The following WDPCP variants were observed in gnomAD, a reference collection of about 807,000 sequenced individuals.
WDPCP encodes the protein WD repeat containing planar cell polarity effector.
In WDPCP, 71 loss-of-function variants were observed where a neutral mutation model predicts 93.1. The ratio of observed to expected loss-of-function variants is 0.76; its 90% CI spans 0.63 to 0.93. The LOEUF (loss-of-function observed/expected upper bound fraction) is 0.93. Ranked by LOEUF, WDPCP falls within the 40% of genes least tolerant of loss-of-function variation. WDPCP has a pLI of 0.00. For synonymous variants in WDPCP, 315 were observed against 315.0 expected (o/e 1.00, Z 0.00); for missense variants, 844 against 887.4 (o/e 0.95, Z 0.62).
intron 2 of WDPCP, among the ~76,000 whole-genome samples, chr2:63,714,928 T>G (rs528264652): frequency 2.0e-5 from 3 of 152,216 alleles, no homozygotes. Flanking sequence ...TGTCAATCCA[T>G]AGATGAATGA....
chr2:63,717,557 T>G (rs560026772), intron 2 of WDPCP: 38 of 511,066 alleles, frequency 7.4e-5, no homozygotes, highest in Non-Finnish European at 1.4e-4. Flanking sequence ...CCATGCAGTC[T>G]TCTAAGGAAG....
intron 9 of WDPCP, among the ~76,000 whole-genome samples, chr2:63,419,153 T>C (rs561317321): frequency 3.9e-5 from 6 of 152,214 alleles, no homozygotes; most frequent in Non-Finnish European, 5.9e-5. Context: ...TTTTTGTTTT[T>C]GTTTTTTGAG....
intron 1 of WDPCP, among the ~76,000 whole-genome samples, chr2:63,569,141 CA>C (rs1380168387): frequency 1.3e-5 from 2 of 152,070 alleles, no homozygotes; most frequent in African/African-American, 4.8e-5. Context: ...AGATGACTCT[CA>C]AAAACAATGT....
At chr2:63,758,596 G>A (rs148335003) in intron 2 of WDPCP, among the ~76,000 whole-genome samples, 4 of 152,062 alleles carry the variant, frequency 2.6e-5, no homozygotes, top group South Asian at 2.1e-4. Context: ...ATGCCACCAC[G>A]GCTGGCTAAT....
chr2:63,266,895 G>A (rs1575018228), intron 13 of WDPCP, among the ~76,000 whole-genome samples: 1 of 152,056 alleles, frequency 6.6e-6, no homozygotes, highest in East Asian at 1.9e-4. Context: ...GTGTTAAAAT[G>A]TTCATACTAC....
intron 6 of WDPCP, among the ~76,000 whole-genome samples, chr2:63,463,898 G>A (rs1699186146): frequency 6.6e-6 from 1 of 152,106 alleles, no homozygotes; most frequent in Admixed American, 6.6e-5. Flanking sequence ...AAGTATCACG[G>A]ACCCAATCTA....
At chr2:63,153,028 G>C in intron 16 of WDPCP, 83 bp from the exon 17 acceptor site, 5 of 1,115,332 alleles carry the variant, frequency 4.5e-6, no homozygotes, top group Non-Finnish European at 6.7e-6. Flanking sequence ...ACTAAAAACA[G>C]AAATGCTTAA....
intron 17 of WDPCP, among the ~76,000 whole-genome samples, chr2:63,147,021 A>G (rs1671563191): frequency 6.6e-6 from 1 of 152,228 alleles, no homozygotes; most frequent in South Asian, 2.1e-4. Flanking sequence ...TGGTTCAGTC[A>G]ACATTTAGTG....
chr2:63,150,891 G>C (rs1259182593), intron 17 of WDPCP, among the ~76,000 whole-genome samples: 1 of 152,138 alleles, frequency 6.6e-6, no homozygotes, highest in Non-Finnish European at 1.5e-5. Flanking sequence ...TTCACAAGAA[G>C]ACTTTGCAAA....
chr2:63,191,705 G>A (rs1043190920), intron 14 of WDPCP, among the ~76,000 whole-genome samples: 1 of 152,068 alleles, frequency 6.6e-6, no homozygotes, highest in Non-Finnish European at 1.5e-5. Context: ...TACTTCTAAA[G>A]GCATCAAACT....
At chr2:63,781,419 G>C (rs1435194806) in intron 2 of WDPCP, among the ~76,000 whole-genome samples, 1 of 152,164 alleles carries the variant, frequency 6.6e-6, no homozygotes, top group African/African-American at 2.4e-5. Context: ...GGGATAGAGT[G>C]CCTACTCTCC....
intron 2 of WDPCP, among the ~76,000 whole-genome samples, chr2:63,736,691 G>C (rs1419305821): frequency 6.6e-6 from 1 of 152,128 alleles, no homozygotes; most frequent in African/African-American, 2.4e-5. Context: ...TAAGCTGCTT[G>C]CTGGTGCCAA....
intron 9 of WDPCP, among the ~76,000 whole-genome samples, chr2:63,424,462 G>A (rs1263052807): frequency 2.0e-5 from 3 of 152,110 alleles, no homozygotes; most frequent in African/African-American, 7.2e-5. Context: ...CCAAGGCCCC[G>A]CTTGGCCACT....
In WDPCP at chr2:63,694,339, C is replaced by T. The variant is rs150667211; in HGVS notation, n.309-43501G>A. On this transcript the variant is annotated intron_variant and non_coding_transcript_variant, in intron 2 of 4. Transcript: ENST00000467687. Reference sequence around the variant, plus strand: ...CTTTAGATGGTTAGGATTTCAAAGGCGGGTTGTTGAGAGGTACCTTATAAT... The same window carrying T: ...CTTTAGATGGTTAGGATTTCAAAGGTGGGTTGTTGAGAGGTACCTTATAAT... Among the ~76,000 whole-genome samples the T allele has an allele frequency of 2.6e-5, 4 of 152,186 alleles. No individual in the cohort carries two copies. The East Asian group carries it at 5.8e-4, about 22-fold the overall frequency.
At chr2:63,386,088 A>C (rs1347782787) in intron 10 of WDPCP, among the ~76,000 whole-genome samples, 1 of 152,076 alleles carries the variant, frequency 6.6e-6, no homozygotes, top group Non-Finnish European at 1.5e-5. Context: ...TAGACCATCA[A>C]CCTAAATGTA....
chr2:63,330,695 T>C (rs1046019774), intron 12 of WDPCP, among the ~76,000 whole-genome samples: 2 of 152,196 alleles, frequency 1.3e-5, no homozygotes, highest in Non-Finnish European at 2.9e-5. Context: ...TGTTTACTTC[T>C]AGCAGTTTTA....
At chr2:63,505,570 CTTT>C (rs1701818916) in intron 1 of WDPCP, among the ~76,000 whole-genome samples, 1 of 151,932 alleles carries the variant, frequency 6.6e-6, no homozygotes, top group African/African-American at 2.4e-5. Context: ...GTTTCCTATG[CTTT>C]TTTAATTCTA....
intron 12 of WDPCP, among the ~76,000 whole-genome samples, chr2:63,315,137 A>G (rs1361772830): frequency 6.6e-6 from 1 of 152,254 alleles, no homozygotes; most frequent in Admixed American, 6.5e-5. Context: ...CATATCCTCC[A>G]TAAAAAAATA....
intron 1 of WDPCP, among the ~76,000 whole-genome samples, chr2:63,816,945 A>G (rs1670940600): frequency 6.6e-6 from 1 of 152,222 alleles, no homozygotes; most frequent in South Asian, 2.1e-4. Context: ...AATAGAAATC[A>G]GAACAGTGGT....
Sources: allele counts gnomAD v4.1 joint callset (sites outside exome capture counted in the v4.1 genomes callset), GRCh38; gene constraint gnomAD v4.1.1; transcripts MANE v1.5; gene names NCBI Gene and HGNC (gene_info 2026-07-23, HGNC 2026-07-21).